Variants in GRM7 observed in about 807,000 individuals in gnomAD.
The protein encoded by GRM7 is metabotropic glutamate receptor 7.
GRM7 carries 35 observed loss-of-function variants against 84.5 expected under a neutral mutation model. That is an observed-to-expected ratio of 0.41 (90% CI 0.32 to 0.55). The LOEUF (loss-of-function observed/expected upper bound fraction) is 0.55. GRM7 is among the 20% of genes least tolerant of loss of function. The probability of loss-of-function intolerance (pLI) is 0.19; values close to 1 mark genes in which losing one functional copy is unlikely to be tolerated. For synonymous variants in GRM7, 487 were observed against 455.1 expected, an observed-to-expected ratio of 1.07 and a Z score of -0.89; for missense variants, 1,003 against 1,194.6, an observed-to-expected ratio of 0.84 and a Z score of 2.36.
chr3:7,476,241 G>A (rs1176815083), intron 7 of GRM7, among the ~76,000 whole-genome samples: 1 of 152,160 alleles, frequency 6.6e-6, no homozygotes, highest in African/African-American at 2.4e-5. Context: ...TATTGTGAGA[G>A]TTAACAACAC....
chr3:7,656,484 A>G (rs1699184298), intron 8 of GRM7, among the ~76,000 whole-genome samples: 1 of 149,696 alleles, frequency 6.7e-6, no homozygotes, highest in South Asian at 2.2e-4. Context: ...CGACAGAGCA[A>G]GACTCTGTCT....
intron 8 of GRM7, among the ~76,000 whole-genome samples, chr3:7,676,098 T>A (rs1575619098): frequency 6.6e-6 from 1 of 152,164 alleles, no homozygotes; most frequent in Admixed American, 6.5e-5. Context: ...AGGAAAGTGA[T>A]GTGAAATACC....
chr3:7,504,923 G>A (rs1358638436), intron 7 of GRM7, among the ~76,000 whole-genome samples: 1 of 152,076 alleles, frequency 6.6e-6, no homozygotes, highest in Non-Finnish European at 1.5e-5. Flanking sequence ...AAAGTCCAGA[G>A]TCTCATTTAA....
chr3:7,210,798 ATTG>A (rs1375669996), intron 2 of GRM7, among the ~76,000 whole-genome samples: 2 of 68,616 alleles, frequency 2.9e-5, no homozygotes, highest in African/African-American at 6.0e-5. Context: ...CATGCTGTGT[ATTG>A]TTTTTTTTTT....
intron 1 of GRM7, chr3:6,884,118 C>A (rs1695608553): frequency 6.6e-6 from 1 of 152,634 alleles, no homozygotes; most frequent in African/African-American, 2.4e-5. Context: ...TTTGACAGAT[C>A]TATTCAGTAC....
chr3:7,186,209 G>A (rs1369179010), intron 2 of GRM7, among the ~76,000 whole-genome samples: 2 of 152,166 alleles, frequency 1.3e-5, no homozygotes, highest in Admixed American at 1.3e-4. Flanking sequence ...AATGAACTAA[G>A]TAATCACCCA....
intron 7 of GRM7, among the ~76,000 whole-genome samples, chr3:7,570,165 G>A (rs1037364218): frequency 1.6e-4 from 24 of 152,252 alleles, no homozygotes; most frequent in Admixed American, 2.6e-4. Flanking sequence ...AGATTTGGGT[G>A]GGGATACAGC....
At chr3:7,301,696 A>G (rs17047062) in intron 3 of GRM7, among the ~76,000 whole-genome samples, 71,727 of 151,612 alleles carry the variant, frequency 0.47, 18,589 homozygotes, top group Non-Finnish European at 0.6. Context: ...ATTATTGTAT[A>G]TTGTCATTCA....
At chr3:7,101,265 G>T (rs964879450) in intron 1 of GRM7, among the ~76,000 whole-genome samples, 1 of 151,778 alleles carries the variant, frequency 6.6e-6, no homozygotes, top group Non-Finnish European at 1.5e-5. Context: ...TCTAACTTTT[G>T]ATATTGCCAG....
At chr3:7,013,621 T>C (rs1334847975) in intron 1 of GRM7, among the ~76,000 whole-genome samples, 1 of 152,164 alleles carries the variant, frequency 6.6e-6, no homozygotes, top group Non-Finnish European at 1.5e-5. Context: ...TTCGTTTGAA[T>C]TAAGATCCAA....
intron 1 of GRM7, among the ~76,000 whole-genome samples, chr3:7,064,477 T>TACACACAC (rs1230329947): frequency 2.2e-4 from 19 of 85,482 alleles, no homozygotes; most frequent in Non-Finnish European, 4.3e-4. Flanking sequence ...TATATATATA[T>TACACACAC]ATACACACAT....
chr3:7,088,629 T>C (rs1698545776), intron 1 of GRM7, among the ~76,000 whole-genome samples: 1 of 114,900 alleles, frequency 8.7e-6, no homozygotes, highest in Non-Finnish European at 1.7e-5. Context: ...ATGAATCCTT[T>C]TGTTCATTCT....
chr3:6,999,165 A>T (rs940199368), intron 1 of GRM7, among the ~76,000 whole-genome samples: 2 of 152,198 alleles, frequency 1.3e-5, no homozygotes, highest in African/African-American at 4.8e-5. Context: ...TCAAGTTCAA[A>T]GTTCCACAAA....
chr3:7,526,500 G>T (rs541004479), intron 7 of GRM7, among the ~76,000 whole-genome samples: 2 of 151,994 alleles, frequency 1.3e-5, no homozygotes, highest in South Asian at 2.1e-4. Flanking sequence ...TCCATTGGTG[G>T]TTTCTTTTGC....
At chr3:7,739,308 C>A (rs1002596288) in intron 9 of GRM7, among the ~76,000 whole-genome samples, 1 of 152,128 alleles carries the variant, frequency 6.6e-6, no homozygotes, top group African/African-American at 2.4e-5. Flanking sequence ...ATGACTTCTC[C>A]GTTCCTCCAA....
chr3:7,079,500 C>T (rs750525023), intron 1 of GRM7, among the ~76,000 whole-genome samples: 3 of 150,792 alleles, frequency 2.0e-5, no homozygotes, highest in South Asian at 2.1e-4. Flanking sequence ...ATGATTGGTA[C>T]GTTTGAAACA....
intron 8 of GRM7, among the ~76,000 whole-genome samples, chr3:7,642,578 A>G (rs184311744): frequency 1.1e-4 from 17 of 152,138 alleles, no homozygotes; most frequent in Non-Finnish European, 2.2e-4. Flanking sequence ...GAAAGAAATA[A>G]GGTCACGGGA....
chr3:7,364,958 T>C (rs1010405795), intron 4 of GRM7, among the ~76,000 whole-genome samples: 1 of 151,870 alleles, frequency 6.6e-6, no homozygotes, highest in Non-Finnish European at 1.5e-5. Context: ...GTAAAGCTTT[T>C]AGCATTAATT....
chr3:7,667,547 T>G (rs1699753098), intron 8 of GRM7, among the ~76,000 whole-genome samples: 2 of 152,158 alleles, frequency 1.3e-5, no homozygotes, highest in African/African-American at 2.4e-5. Flanking sequence ...CATCAATTTT[T>G]TAATAATTAT....
Sources: gnomAD v4.1 joint callset for allele counts (sites outside exome capture counted in the v4.1 genomes callset) on GRCh38, gnomAD v4.1.1 for gene constraint, MANE v1.5 for transcripts, NCBI Gene and HGNC (gene_info 2026-07-23, HGNC 2026-07-21) for gene names.